Variants in CABLES1 observed in about 807,000 individuals in gnomAD.
CABLES1 encodes the protein Cdk5 and Abl enzyme substrate 1.
CABLES1 carries 36 observed loss-of-function variants against 57.8 expected under a neutral mutation model. The ratio of observed to expected loss-of-function variants is 0.62; its 90% CI spans 0.48 to 0.82. CABLES1 has a LOEUF of 0.82. Among genes scored for constraint, CABLES1 ranks in the 40% least tolerant of loss-of-function variants. CABLES1 has a pLI of 0.00. For synonymous variants in CABLES1, 374 were observed against 363.0 expected (o/e 1.03, Z -0.35); for missense variants, 767 against 836.6 (o/e 0.92, Z 1.03).
intron 3 of CABLES1, among the ~76,000 whole-genome samples, chr18:23,206,943 T>TG (rs1399266691): frequency 2.6e-5 from 4 of 151,984 alleles, no homozygotes; most frequent in Non-Finnish European, 5.9e-5. Context: ...CTTGAGTAGC[T>TG]GGGACTACAG....
intron 1 of CABLES1, among the ~76,000 whole-genome samples, chr18:23,162,664 G>T (rs1598805818): frequency 6.6e-6 from 1 of 152,338 alleles, no homozygotes; most frequent in African/African-American, 2.4e-5. Context: ...AGCAGGTGAA[G>T]TCAAGGAAGG....
intron 1 of CABLES1, among the ~76,000 whole-genome samples, chr18:23,159,960 A>G (rs2046992053): frequency 6.6e-6 from 1 of 151,912 alleles, no homozygotes; most frequent in Non-Finnish European, 1.5e-5. Context: ...ATCATAAGTA[A>G]CACTTGTCTA....
Position 23,201,858 on chromosome 18 carries a change from G to T in CABLES1, c.1010+7318G>T, listed in dbSNP as rs544731699. ...CAGGGTTGGGGAAGGACACTCTGGG[G>T]CAATGGGGAGACCTGACAGTGGAGG... On this transcript the variant is annotated intron_variant, in intron 3 of 9. Coordinates refer to ENST00000256925, the MANE Select transcript of CABLES1 (RefSeq NM_001100619.3). Among the ~76,000 whole-genome samples, 8 of 152,322 alleles carry T rather than the reference G, an allele frequency of 5.3e-5. No individual in the cohort carries two copies. In the South Asian group the frequency reaches 1.7e-3, roughly 32 times the overall value.
chr18:23,136,922 A>G (rs2046826949), intron 1 of CABLES1, among the ~76,000 whole-genome samples: 1 of 152,154 alleles, frequency 6.6e-6, no homozygotes, highest in Admixed American at 6.5e-5. Flanking sequence ...CGAGATCACA[A>G]ACTTCCTGAA....
intron 4 of CABLES1, among the ~76,000 whole-genome samples, chr18:23,233,024 G>A (rs912654485): frequency 2.0e-5 from 3 of 152,154 alleles, no homozygotes; most frequent in Non-Finnish European, 4.4e-5. Flanking sequence ...TGTAGGAGAT[G>A]ACCCCTGAAT....
chr18:23,193,827 C>G (rs1360094467), intron 2 of CABLES1, among the ~76,000 whole-genome samples: 1 of 152,100 alleles, frequency 6.6e-6, no homozygotes, highest in African/African-American at 2.4e-5. Flanking sequence ...AAACTTGAAT[C>G]CAAGCCATTT....
At position 23,170,225 on chromosome 18, in the gene CABLES1, A is replaced by G. The variant is rs572920197; in HGVS notation, c.846-18613A>G. Among the ~76,000 whole-genome samples the G allele has an allele frequency of 2.1e-4, 32 of 152,318 alleles. No individual in the cohort carries two copies. The South Asian group carries it at 4.6e-3, about 22-fold the overall frequency. Reference sequence around the variant, plus strand: ...GTACAAGGGTGTTGTGAGAATGCCAAGATGTTTGTAAAGCCCTTAGCAGAG... The same window carrying G: ...GTACAAGGGTGTTGTGAGAATGCCAGGATGTTTGTAAAGCCCTTAGCAGAG... On this transcript the variant is annotated intron_variant, in intron 1 of 9. Transcript: ENST00000256925.
intron 7 of CABLES1, among the ~76,000 whole-genome samples, chr18:23,251,903 T>C (rs8085337): frequency 0.12 from 17,812 of 152,040 alleles, 1,243 homozygotes; most frequent in Middle Eastern, 0.22. Flanking sequence ...CTGGCCAACA[T>C]GGTGAAACTC....
Position 23,236,019 on chromosome 18 carries a change from G to A in CABLES1, c.1310G>A (p.Arg437Gln), listed in dbSNP as rs567251478. The A allele has an allele frequency of 6.9e-5, 111 of 1,614,160 alleles. No homozygotes were observed. The South Asian group carries it at 7.2e-4, about 11-fold the overall frequency. Residue 437 changes from arginine to glutamine, a missense_variant, in exon 6 of 10, where the codon CGG becomes CAG. By Grantham distance (43) the Arg-to-Gln change is conservative. This residue lies in a region of CABLES1 where 529 missense variants were observed against 622.8 expected (regional missense o/e 0.85). Transcript: ENST00000256925. Reference protein sequence around the residue: ...NLSHRSLSIGRASGTQGSLDT... With the variant: ...NLSHRSLSIGQASGTQGSLDT... ...AGCCACCGCAGCCTCTCCATAGGCCGGGCAAGCGGCACCCAGGGGAGCCTC... is the reference window on the plus strand; with the variant it reads ...AGCCACCGCAGCCTCTCCATAGGCCAGGCAAGCGGCACCCAGGGGAGCCTC...
intron 1 of CABLES1, 25 bp downstream of exon 1, chr18:23,136,632 A>C: frequency 7.6e-7 from 1 of 1,316,444 alleles, no homozygotes; most frequent in Non-Finnish European, 9.8e-7. Context: ...TGCGACGCGC[A>C]CCCAACCCTG....
At chr18:23,197,543 G>A (rs549758781) in intron 3 of CABLES1, 1 of 152,654 alleles carries the variant, frequency 6.6e-6, no homozygotes, top group African/African-American at 2.4e-5. Flanking sequence ...CAAATCGTTG[G>A]GCCAGGTGGA....
intron 1 of CABLES1, among the ~76,000 whole-genome samples, chr18:23,169,990 T>C (rs557708729): frequency 6.6e-6 from 1 of 152,116 alleles, no homozygotes; most frequent in South Asian, 2.1e-4. Context: ...TGGGAGGGGG[T>C]AGGATTGCCC....
At chr18:23,145,679 T>G (rs2046887560) in intron 1 of CABLES1, among the ~76,000 whole-genome samples, 1 of 152,238 alleles carries the variant, frequency 6.6e-6, no homozygotes, top group Admixed American at 6.5e-5. Context: ...TATTACCCTG[T>G]TTTACCAACT....
intron 7 of CABLES1, among the ~76,000 whole-genome samples, chr18:23,246,150 G>A (rs1272698282): frequency 6.6e-6 from 1 of 151,974 alleles, no homozygotes; most frequent in African/African-American, 2.4e-5. Context: ...TGTTGTCCCA[G>A]CTACTCAGGA....
intron 6 of CABLES1, among the ~76,000 whole-genome samples, chr18:23,236,673 G>A (rs987861727): frequency 3.3e-5 from 5 of 152,216 alleles, no homozygotes; most frequent in Admixed American, 3.3e-4. Flanking sequence ...GGCCACCTCT[G>A]ATCGTTCGCA....
Position 23,135,576 on chromosome 18 carries a change from C to G in CABLES1, c.-187C>G, listed in dbSNP as rs1210922169. 1.5e-5 allele frequency: 3 copies of G among 202,832 alleles called. No homozygotes were observed. The highest frequency in any genetic ancestry group is 2.6e-5 in the Non-Finnish European group (3 of 115,690). 12.6% of individuals were successfully genotyped at this position (202,832 alleles called of 1,614,324 possible). On this transcript the variant is annotated 5_prime_UTR_variant, in exon 1 of 10. Coordinates refer to ENST00000256925, the MANE Select transcript of CABLES1 (RefSeq NM_001100619.3). ...GAGGCGTGCGCGTGGGCCGGGGCGG[C>G]GGCGCCCCCATCCCCAGCACCGAGG...
chr18:23,156,059 C>A lies in CABLES1; in HGVS notation c.845+19452C>A, dbSNP rs953848819. 14 of 1,345,730 alleles carry A rather than the reference C, an allele frequency of 1.0e-5. No homozygotes were observed. The Admixed American group carries it at 2.5e-4, about 24-fold the overall frequency. The allele number at this position is 1,345,730 out of a possible 1,614,324, so 83.4% of individuals were successfully genotyped here. A position where few individuals can be genotyped will look rare whatever the true frequency, so the allele number is the denominator to read the frequency against. On this transcript the variant is annotated intron_variant, in intron 1 of 9. Transcript: ENST00000256925. Reference sequence around the variant, plus strand: ...TTGTTGGAAATTGATCTCTGAGGCTCAGCCTGGAAAAGCGGGATGTCAGTC... The same window carrying A: ...TTGTTGGAAATTGATCTCTGAGGCTAAGCCTGGAAAAGCGGGATGTCAGTC...
chr18:23,250,618 G>T (rs75835656), intron 7 of CABLES1, among the ~76,000 whole-genome samples: 2 of 152,246 alleles, frequency 1.3e-5, no homozygotes, highest in South Asian at 4.1e-4. Context: ...GACCTTGGCA[G>T]TGAGAGCAGT....
chr18:23,231,884 G>A (rs1439310886), intron 4 of CABLES1, among the ~76,000 whole-genome samples: 1 of 152,126 alleles, frequency 6.6e-6, no homozygotes, highest in Non-Finnish European at 1.5e-5. Context: ...TGCACATTTG[G>A]CGGCAGGCAG....
Sources: gnomAD v4.1 joint callset for allele counts (sites outside exome capture counted in the v4.1 genomes callset) on GRCh38, gnomAD v4.1.1 for gene constraint, gnomAD v4.1.1 regional missense constraint, MANE v1.5 for transcripts, NCBI Gene and HGNC (gene_info 2026-07-23, HGNC 2026-07-21) for gene names.